Variants in PDSS2 observed in about 807,000 individuals in gnomAD.
PDSS2 encodes the protein decaprenyl diphosphate synthase subunit 2.
In PDSS2, 31 loss-of-function variants were observed where a neutral mutation model predicts 44.5. The ratio of observed to expected loss-of-function variants is 0.70; its 90% CI spans 0.52 to 0.94. PDSS2 has a LOEUF of 0.94. Ranked by LOEUF, PDSS2 falls within the 40% of genes least tolerant of loss-of-function variation. The probability of loss-of-function intolerance (pLI) is 0.00; values close to 1 mark genes in which losing one functional copy is unlikely to be tolerated. For synonymous variants in PDSS2, 157 were observed against 180.3 expected (o/e 0.87, Z 1.03); for missense variants, 452 against 482.2 (o/e 0.94, Z 0.59).
At chr6:107,430,903 C>T (rs1781174573) in intron 1 of PDSS2, among the ~76,000 whole-genome samples, 1 of 152,118 alleles carries the variant, frequency 6.6e-6, no homozygotes, top group African/African-American at 2.4e-5. Context: ...CTTCCTAACC[C>T]ATTAGTCAAT....
chr6:107,375,249 A>T (rs1016244205), intron 1 of PDSS2, among the ~76,000 whole-genome samples: 4 of 152,044 alleles, frequency 2.6e-5, no homozygotes, highest in African/African-American at 9.7e-5. Context: ...AAATTGATAA[A>T]ACAGAAAACA....
intron 1 of PDSS2, among the ~76,000 whole-genome samples, chr6:107,368,582 G>A (rs1055476572): frequency 6.6e-6 from 1 of 152,118 alleles, no homozygotes; most frequent in Non-Finnish European, 1.5e-5. Flanking sequence ...GGCCAGTCAC[G>A]GCAGCTCACA....
chr6:107,231,962 CAAAA>C (rs5878909), intron 4 of PDSS2, among the ~76,000 whole-genome samples: 4 of 137,744 alleles, frequency 2.9e-5, no homozygotes, highest in African/African-American at 2.7e-5. Context: ...AACTCTGTCT[CAAAA>C]AAAAAAAAAA....
At chr6:107,203,861 C>G (rs6929033) in intron 6 of PDSS2, among the ~76,000 whole-genome samples, 4,116 of 152,088 alleles carry the variant, frequency 0.027, 189 homozygotes, top group African/African-American at 0.093. Flanking sequence ...TTTTCTGTCT[C>G]TATGATTTGT....
intron 3 of PDSS2, among the ~76,000 whole-genome samples, chr6:107,249,425 C>A (rs1429487829): frequency 1.3e-5 from 2 of 152,130 alleles, no homozygotes; most frequent in African/African-American, 4.8e-5. Context: ...AATCAGGGAC[C>A]TCTGAAACAC....
At position 107,432,107 on chromosome 6, in the gene PDSS2, C is replaced by T. The variant is rs548617124; in HGVS notation, c.296+26883G>A. Among the ~76,000 whole-genome samples, 223 of 152,320 alleles carry T rather than the reference C, an allele frequency of 1.5e-3. 1 individual carries two copies. The highest frequency in any genetic ancestry group is 2.8e-3 in the Non-Finnish European group (191 of 68,030). On this transcript the variant is annotated intron_variant, in intron 1 of 7. Transcript: ENST00000369037. ...AATTGCTATCAGTCTGATTTCCAAA[C>T]CTACTACTGAATGAAAGTGGTGGAA...
At chr6:107,448,159 C>A (rs1416742762) in intron 1 of PDSS2, among the ~76,000 whole-genome samples, 1 of 152,144 alleles carries the variant, frequency 6.6e-6, no homozygotes, top group Non-Finnish European at 1.5e-5. Context: ...GGAGGGGCTG[C>A]CAAGAAGGTC....
Position 107,458,412 on chromosome 6 carries a change from C to CAAAAAAAAAAAAAAAAAAAAAAAAAAA in PDSS2, c.296+577_296+578insTTTTTTTTTTTTTTTTTTTTTTTTTTT, listed in dbSNP as rs60758453. Among the ~76,000 whole-genome samples the CAAAAAAAAAAAAAAAAAAAAAAAAAAA allele has an allele frequency of 1.9e-4, 15 of 78,156 alleles. 1 individual carries two copies. Among genetic ancestry groups the CAAAAAAAAAAAAAAAAAAAAAAAAAAA allele is most frequent in the African/African-American group, 7.0e-4 (11 of 15,628 alleles). The allele number at this position is 78,156 out of a possible 152,430, so 51.3% of individuals were successfully genotyped here. ...TGGGCGACAAAGCGAGACTCCGTCT[C>CAAAAAAAAAAAAAAAAAAAAAAAAAAA]AAAAAAAAAAAAAAAAAAAACTTTT... On this transcript the variant is annotated intron_variant, in intron 1 of 7. Transcript: ENST00000369037.
intron 1 of PDSS2, among the ~76,000 whole-genome samples, chr6:107,367,859 CTG>C (rs1247218316): frequency 6.8e-6 from 1 of 146,916 alleles, no homozygotes; most frequent in East Asian, 2.0e-4. Flanking sequence ...AGGAGAAAAA[CTG>C]TATTTGAGGG....
intron 2 of PDSS2, among the ~76,000 whole-genome samples, chr6:107,319,575 C>T (rs1227093840): frequency 6.6e-6 from 1 of 152,092 alleles, no homozygotes; most frequent in Admixed American, 6.6e-5. Flanking sequence ...TAAGGAAAGA[C>T]CTAAAATGGA....
chr6:107,225,603 G>T (rs1773793444), intron 4 of PDSS2, among the ~76,000 whole-genome samples: 1 of 152,040 alleles, frequency 6.6e-6, no homozygotes, highest in Non-Finnish European at 1.5e-5. Flanking sequence ...GATCTTGGTG[G>T]CTGGCTACCA....
intron 1 of PDSS2, among the ~76,000 whole-genome samples, chr6:107,443,244 C>T (rs893633449): frequency 2.6e-5 from 4 of 152,234 alleles, no homozygotes; most frequent in African/African-American, 9.6e-5. Flanking sequence ...CCACAGCCGC[C>T]AAAGTCAGCT....
chr6:107,225,164 T>TATATATA (rs1289535741), intron 4 of PDSS2, among the ~76,000 whole-genome samples: 10 of 42,956 alleles, frequency 2.3e-4, no homozygotes, highest in African/African-American at 6.4e-4. Context: ...TATATATATT[T>TATATATA]TTTTTTTTTT....
chr6:107,250,183 C>A (rs534323499), intron 3 of PDSS2, among the ~76,000 whole-genome samples: 25 of 151,012 alleles, frequency 1.7e-4, no homozygotes, highest in Non-Finnish European at 3.1e-4. Flanking sequence ...AATACTGACC[C>A]CCCCCCGCAA....
intron 2 of PDSS2, among the ~76,000 whole-genome samples, chr6:107,313,281 T>C (rs1354086774): frequency 2.6e-5 from 4 of 152,200 alleles, no homozygotes; most frequent in African/African-American, 9.6e-5. Flanking sequence ...ACAATAAAAA[T>C]ATTTTTTAGA....
At chr6:107,342,077 T>A (rs1269444212) in intron 1 of PDSS2, among the ~76,000 whole-genome samples, 2 of 152,070 alleles carry the variant, frequency 1.3e-5, no homozygotes, top group Admixed American at 1.3e-4. Flanking sequence ...GGCCTTGGTA[T>A]TTAATTATTT....
Position 107,346,171 on chromosome 6 carries a change from T to C in PDSS2, c.297-11839A>G, listed in dbSNP as rs1048493659. On this transcript the variant is annotated intron_variant, in intron 1 of 7. Transcript: ENST00000369037. ...GAATGGCACCTAGTGAATGAAAAGA[T>C]ATGTACTTGGAATAAATTACATACA... Among the ~76,000 whole-genome samples the C allele has an allele frequency of 2.0e-5, 3 of 152,240 alleles. No individual in the cohort carries two copies. In the East Asian group the frequency reaches 5.8e-4, roughly 29 times the overall value.
chr6:107,363,157 A>G (rs187558200), intron 1 of PDSS2, among the ~76,000 whole-genome samples: 22 of 152,346 alleles, frequency 1.4e-4, no homozygotes, highest in African/African-American at 3.4e-4. Context: ...TTTGATGAAA[A>G]CTGTTAATTT....
intron 1 of PDSS2, among the ~76,000 whole-genome samples, chr6:107,409,644 C>A (rs1780429184): frequency 6.6e-6 from 1 of 152,166 alleles, no homozygotes; most frequent in African/African-American, 2.4e-5. Flanking sequence ...CCTTCTACTA[C>A]AACCAAAACA....
Sources: gnomAD v4.1 joint callset for allele counts (sites outside exome capture counted in the v4.1 genomes callset) on GRCh38, gnomAD v4.1.1 for gene constraint, MANE v1.5 for transcripts, NCBI Gene and HGNC (gene_info 2026-07-23, HGNC 2026-07-21) for gene names.